Variants in OR14L1 observed in about 807,000 individuals in gnomAD.
OR14L1 encodes the protein olfactory receptor family 14 subfamily L member 1.
chr1:247,617,863 A>G, the OR14L1 span, among the ~76,000 whole-genome samples: 1 of 152,144 alleles, frequency 6.6e-6, no homozygotes, highest in South Asian at 2.1e-4. Context: ...AAAATTCATA[A>G]TAAAAGAGTC....
the OR14L1 span, chr1:247,619,654 C>A: frequency 6.6e-6 from 1 of 151,984 alleles, no homozygotes; most frequent in African/African-American, 2.4e-5. Flanking sequence ...TGATTTTAAC[C>A]AAACTGAAGT....
the OR14L1 span, chr1:247,621,911 C>T: frequency 6.6e-6 from 1 of 152,072 alleles, no homozygotes; most frequent in African/African-American, 2.4e-5. Flanking sequence ...AATAGTATTC[C>T]ATTGTGTGTG....
chr1:247,621,986 A>G, the OR14L1 span: 1 of 152,118 alleles, frequency 6.6e-6, no homozygotes, highest in South Asian at 2.1e-4. Context: ...TATTTCGGCT[A>G]TTGTAATGCC....
the OR14L1 span, among the ~76,000 whole-genome samples, chr1:247,619,375 A>G: frequency 6.6e-6 from 1 of 152,110 alleles, no homozygotes; most frequent in Non-Finnish European, 1.5e-5. Flanking sequence ...TATGTCAGTG[A>G]GGTTATTCAT....
the OR14L1 span, among the ~76,000 whole-genome samples, chr1:247,617,675 T>C: frequency 6.7e-6 from 1 of 149,838 alleles, no homozygotes; most frequent in Admixed American, 6.7e-5. Context: ...GAGTCTATAT[T>C]TCCTTTCAGT....
the OR14L1 span, among the ~76,000 whole-genome samples, chr1:247,619,368 G>A: frequency 6.6e-6 from 1 of 152,128 alleles, no homozygotes; most frequent in East Asian, 1.9e-4. Flanking sequence ...TGTTGATTAT[G>A]TCAGTGAGGT....
the OR14L1 span, chr1:247,621,984 C>G: frequency 6.6e-6 from 1 of 152,090 alleles, no homozygotes; most frequent in Non-Finnish European, 1.5e-5. Flanking sequence ...CATATTTCGG[C>G]TATTGTAATG....
the OR14L1 span, chr1:247,621,842 T>G: frequency 6.6e-6 from 1 of 152,192 alleles, no homozygotes; most frequent in Non-Finnish European, 1.5e-5. Context: ...CATGATGTCT[T>G]CTCTAGGTTC....
chr1:247,617,577 C>T, the OR14L1 span, among the ~76,000 whole-genome samples: 1 of 152,046 alleles, frequency 6.6e-6, no homozygotes, highest in Non-Finnish European at 1.5e-5. Context: ...AGTTCTGGAT[C>T]TGGGCATGAG....
the OR14L1 span, chr1:247,617,539 C>T: frequency 6.6e-6 from 1 of 152,158 alleles, no homozygotes; most frequent in Non-Finnish European, 1.5e-5. Context: ...TTAGAATACA[C>T]AGTTATTTCT....
chr1:247,618,168 G>C, the OR14L1 span, among the ~76,000 whole-genome samples: 1 of 152,038 alleles, frequency 6.6e-6, no homozygotes, highest in Admixed American at 6.6e-5. Context: ...CCAGTAGAGA[G>C]ACATTCAGTT....
At chr1:247,619,047 C>T in the OR14L1 span, among the ~76,000 whole-genome samples, 1 of 152,102 alleles carries the variant, frequency 6.6e-6, no homozygotes, top group Non-Finnish European at 1.5e-5. Flanking sequence ...CTATAAGAGC[C>T]AACCATTGTG....
the OR14L1 span, among the ~76,000 whole-genome samples, chr1:247,618,118 G>A: frequency 6.6e-6 from 1 of 151,964 alleles, no homozygotes; most frequent in Non-Finnish European, 1.5e-5. Flanking sequence ...CTATTTAGGC[G>A]ATCAATGTCA....
the OR14L1 span, chr1:247,620,392 A>G: frequency 3.3e-5 from 5 of 152,278 alleles, no homozygotes; most frequent in African/African-American, 1.2e-4. Flanking sequence ...AACACTCTTT[A>G]TGATATCTGG....
At chr1:247,618,902 A>G in the OR14L1 span, among the ~76,000 whole-genome samples, 1 of 152,216 alleles carries the variant, frequency 6.6e-6, no homozygotes, top group Non-Finnish European at 1.5e-5. Context: ...TTCTCGATAC[A>G]TCCACTATTA....
the OR14L1 span, chr1:247,621,322 T>A: frequency 6.6e-6 from 1 of 152,206 alleles, no homozygotes; most frequent in Non-Finnish European, 1.5e-5. Context: ...ATAAAATGCA[T>A]AGCATCATTT....
At chr1:247,621,115 G>A in the OR14L1 span, 9 of 152,066 alleles carry the variant, frequency 5.9e-5, no homozygotes, top group Non-Finnish European at 1.3e-4. Flanking sequence ...AACTATAAAG[G>A]TTCACATATG....
the OR14L1 span, chr1:247,620,996 G>A: frequency 6.6e-6 from 1 of 152,134 alleles, no homozygotes; most frequent in Admixed American, 6.6e-5. Flanking sequence ...AGGTAACAGT[G>A]TGTGCTCAGA....
chr1:247,619,713 T>G, the OR14L1 span: 1 of 152,204 alleles, frequency 6.6e-6, no homozygotes, highest in Non-Finnish European at 1.5e-5. Context: ...ATATTCAGAT[T>G]GTACATGCTG....
Sources: allele counts gnomAD v4.1 joint callset (sites outside exome capture counted in the v4.1 genomes callset), GRCh38; gene constraint gnomAD v4.1.1; transcripts MANE v1.5; gene names NCBI Gene and HGNC (gene_info 2026-07-23, HGNC 2026-07-21).